PCDHGA9: variants seen among roughly 807,000 people sequenced by gnomAD.
The protein encoded by PCDHGA9 is protocadherin gamma subfamily A, 9.
In PCDHGA9, 37 loss-of-function variants were observed where a neutral mutation model predicts 62.5. That is an observed-to-expected ratio of 0.59 (90% confidence interval 0.46 to 0.78). PCDHGA9 has a LOEUF of 0.78. Among genes scored for constraint, PCDHGA9 ranks in the 30% least tolerant of loss-of-function variants. The probability of loss-of-function intolerance (pLI) is 0.00; values close to 1 mark genes in which losing one functional copy is unlikely to be tolerated. For synonymous variants in PCDHGA9, 459 were observed against 484.6 expected (o/e 0.95, Z 0.69); for missense variants, 1,138 against 1,166.2 (o/e 0.98, Z 0.35).
intron 1 of PCDHGA9, chr5:141,410,748 C>T (rs569108587): frequency 8.8e-6 from 11 of 1,245,288 alleles, no homozygotes; most frequent in Admixed American, 5.8e-5. Flanking sequence ...AATATTTTCT[C>T]AATGTTTTTT....
Position 141,487,893 on chromosome 5 carries a change from G to A in PCDHGA9, c.2425-6914G>A. Reference sequence around the variant, plus strand: ...AGCCAGGCTGTTGTGGAAGCATGATGATGGAATGTGGGAGCACAGGAGGCT... The same window carrying A: ...AGCCAGGCTGTTGTGGAAGCATGATAATGGAATGTGGGAGCACAGGAGGCT... On this transcript the variant is annotated intron_variant, in intron 1 of 3. Coordinates refer to ENST00000573521, the MANE Select transcript of PCDHGA9 (RefSeq NM_018921.3). The surrounding 1 kb of genome is among the most constrained non-coding windows in gnomAD (Gnocchi z 5.0). The A allele has an allele frequency of 1.4e-6, 1 of 731,472 alleles. No individual in the cohort carries two copies. The highest frequency in any genetic ancestry group is 2.2e-6 in the Non-Finnish European group (1 of 450,166). 45.3% of individuals were successfully genotyped at this position (731,472 alleles called of 1,614,324 possible). A position where few individuals can be genotyped will look rare whatever the true frequency, so the allele number is the denominator to read the frequency against.
chr5:141,413,881 G>C (rs774026375), intron 1 of PCDHGA9: 5 of 1,613,400 alleles, frequency 3.1e-6, no homozygotes, highest in Non-Finnish European at 4.2e-6. Context: ...CAGTGTGACT[G>C]TCTTCGATGC....
Position 141,432,970 on chromosome 5 carries a change from G to C in PCDHGA9, c.2424+27594G>C, listed in dbSNP as rs371130763. On this transcript the variant is annotated intron_variant, in intron 1 of 3. Transcript: ENST00000573521. This position sits in a 1 kb window ranked among gnomAD's most constrained non-coding sequence, Gnocchi z 6.0. ...GAGGCGGCTTGACAGGAGCGCCGGC[G>C]TCGCACTTTGTGGGCGTGGACGGGG... is the stretch of plus-strand genomic sequence containing the variant. 25 of 1,614,114 alleles carry C rather than the reference G, an allele frequency of 1.5e-5. No individual in the cohort carries two copies. Among genetic ancestry groups the C allele is most frequent in the African/African-American group, 1.1e-4 (8 of 75,054 alleles).
Position 141,491,713 on chromosome 5 carries a change from G to A in PCDHGA9, c.2425-3094G>A. On this transcript the variant is annotated intron_variant, in intron 1 of 3. Transcript: ENST00000573521. This position sits in a 1 kb window ranked among gnomAD's most constrained non-coding sequence, Gnocchi z 6.9. ...GGAGCGGAGCCAGGTGAGGGGCTCG[G>A]CGCCGCCCCGGGCGACCCCTGGGGG... The A allele has an allele frequency of 1.9e-6, 3 of 1,609,174 alleles. No individual in the cohort carries two copies. Among genetic ancestry groups the A allele is most frequent in the Non-Finnish European group, 2.5e-6 (3 of 1,178,054 alleles).
At chr5:141,457,524 G>A (rs1427291573) in intron 1 of PCDHGA9, among the ~76,000 whole-genome samples, 1 of 152,188 alleles carries the variant, frequency 6.6e-6, no homozygotes, top group African/African-American at 2.4e-5. Context: ...CAATTAATGA[G>A]ACTAGGGTTT....
intron 1 of PCDHGA9, chr5:141,478,308 T>A: frequency 6.2e-7 from 1 of 1,614,050 alleles, no homozygotes; most frequent in Non-Finnish European, 8.5e-7. Context: ...CGAGCCCCGG[T>A]GAGCTCACTG....
Position 141,431,359 on chromosome 5 carries a change from G to A in PCDHGA9, c.2424+25983G>A. 1 of 1,614,024 alleles carries A rather than the reference G, an allele frequency of 6.2e-7. No homozygotes were observed. The highest frequency in any genetic ancestry group is 8.5e-7 in the Non-Finnish European group (1 of 1,180,030). On this transcript the variant is annotated intron_variant, in intron 1 of 3. Transcript: ENST00000573521. This position sits in a 1 kb window ranked among gnomAD's most constrained non-coding sequence, Gnocchi z 4.8. ...CCGAATTGGTGCTGAAACGCGCCCTGGACCGCGAAGAAAAGGCTGCTCACC... is the reference window on the plus strand; with the variant it reads ...CCGAATTGGTGCTGAAACGCGCCCTAGACCGCGAAGAAAAGGCTGCTCACC...
At chr5:141,427,566 C>A (rs1218268757) in intron 1 of PCDHGA9, 1 of 659,032 alleles carries the variant, frequency 1.5e-6, no homozygotes, top group Non-Finnish European at 2.8e-6. Context: ...CAAGGGCAAG[C>A]CTCCGCTCTC....
chr5:141,478,327 A>G lies in PCDHGA9; in HGVS notation c.2425-16480A>G, dbSNP rs149317962. The G allele has an allele frequency of 9.9e-6, 16 of 1,613,974 alleles. No homozygotes were observed. The African/African-American group carries it at 2.0e-4, about 20-fold the overall frequency. The stretch of plus-strand genomic sequence containing the variant: ...CCCCGGTGAGCTCACTGTACCGAAC[A>G]CCAGGGCCCTCCTTGCACGCGGACG... On this transcript the variant is annotated intron_variant, in intron 1 of 3. Transcript: ENST00000573521.
intron 2 of PCDHGA9, among the ~76,000 whole-genome samples, chr5:141,502,787 G>T (rs2099816081): frequency 6.6e-6 from 1 of 151,394 alleles, no homozygotes; most frequent in African/African-American, 2.4e-5. Flanking sequence ...TTACCTGGAT[G>T]ATTTCTTCAG....
In PCDHGA9 at chr5:141,404,091, G is replaced by A. The variant is rs1404367820; in HGVS notation, c.1139G>A (p.Gly380Asp). ...CATGACCGAGACTCCGGGAAGAATG[G>A]TCAAGTTGTCTGTTCTATCCAGGAG... is the stretch of plus-strand genomic sequence containing the variant. ...NAHDRDSGKN[G>D]QVVCSIQENL... The change falls in exon 1 of 4, where the codon GGT (glycine) becomes GAT (aspartate). Residue 380 changes from glycine (G) to aspartate (D), a missense_variant. Coordinates refer to ENST00000573521, the MANE Select transcript of PCDHGA9 (RefSeq NM_018921.3). 6.2e-7 allele frequency: 1 copy of A among 1,613,422 alleles called. No individual in the cohort carries two copies. The highest frequency in any genetic ancestry group is 8.5e-7 in the Non-Finnish European group (1 of 1,179,526).
chr5:141,415,740 GTTTTTTTTTTTTTTT>G (rs57426385), intron 1 of PCDHGA9: 171 of 625,014 alleles, frequency 2.7e-4, no homozygotes, highest in East Asian at 8.8e-4. Flanking sequence ...GTTTATTAAG[GTTTTTTTTTTTTTTT>G]TTTTTTTTTT....
chr5:141,496,287 C>T (rs768553690), intron 2 of PCDHGA9, among the ~76,000 whole-genome samples: 3 of 152,200 alleles, frequency 2.0e-5, no homozygotes, highest in Non-Finnish European at 4.4e-5. Flanking sequence ...TTGGTCTGAG[C>T]AGAGTGGGAT....
rs2095330785 is a variant in PCDHGA9 at position 141,409,884 on chromosome 5, G to C, written c.2424+4508G>C. The C allele has an allele frequency of 1.9e-6, 3 of 1,612,952 alleles. No individual in the cohort carries two copies. In the South Asian group the frequency reaches 3.3e-5, roughly 18 times the overall value. On this transcript the variant is annotated intron_variant, in intron 1 of 3. Transcript: ENST00000573521. ...GGAGACCGCAATGACAACGCACCGC[G>C]GGTGCTGTACCCAGCTCTGGGTCCT...
rs778851755 is a variant in PCDHGA9, at chr5:141,477,795, G to A, written c.2425-17012G>A. ...AGCGTGAACATATTTGTCACTGATC[G>A]CAATGACAATGCCCCCCAGGTCCTA... On this transcript the variant is annotated intron_variant, in intron 1 of 3. Coordinates refer to ENST00000573521, the MANE Select transcript of PCDHGA9 (RefSeq NM_018921.3). This position sits in a 1 kb window ranked among gnomAD's most constrained non-coding sequence, Gnocchi z 4.9. The A allele has an allele frequency of 3.1e-6, 5 of 1,613,946 alleles. No individual in the cohort carries two copies. In the African/African-American group the frequency reaches 6.7e-5, roughly 22 times the overall value.
intron 1 of PCDHGA9, among the ~76,000 whole-genome samples, chr5:141,468,890 G>A (rs2099184679): frequency 6.6e-6 from 1 of 151,592 alleles, no homozygotes; most frequent in African/African-American, 2.4e-5. Flanking sequence ...TAATAATAAG[G>A]TACTAATATG....
intron 1 of PCDHGA9, chr5:141,420,342 T>C: frequency 7.2e-7 from 1 of 1,388,390 alleles, no homozygotes; most frequent in Non-Finnish European, 9.6e-7. Flanking sequence ...AATATAGTGG[T>C]ATTATTTTAA....
chr5:141,464,853 C>A (rs1441161135), intron 1 of PCDHGA9, among the ~76,000 whole-genome samples: 1 of 151,778 alleles, frequency 6.6e-6, no homozygotes, highest in East Asian at 1.9e-4. Flanking sequence ...ATCCTCCTAC[C>A]TTAGCCTCCC....
intron 1 of PCDHGA9, chr5:141,409,819 G>A (rs781534809): frequency 1.2e-6 from 2 of 1,610,356 alleles, no homozygotes; most frequent in African/African-American, 2.7e-5. Context: ...ACCACGGCTC[G>A]CCCACGCTCA....
Sources: allele counts gnomAD v4.1 joint callset (sites outside exome capture counted in the v4.1 genomes callset), GRCh38; gene constraint gnomAD v4.1.1; non-coding constraint Gnocchi (gnomAD v3.1); transcripts MANE v1.5; gene names NCBI Gene and HGNC (gene_info 2026-07-23, HGNC 2026-07-21).